CACNA2D4: variants seen among roughly 807,000 people sequenced by gnomAD.
CACNA2D4 encodes calcium voltage-gated channel auxiliary subunit alpha2delta 4, also known as voltage-dependent calcium channel subunit alpha-2/delta-4.
In CACNA2D4, 157 loss-of-function variants were observed where a neutral mutation model predicts 163.8. The ratio of observed to expected loss-of-function variants is 0.96; its 90% confidence interval spans 0.84 to 1.09. CACNA2D4 has a LOEUF of 1.09. Ranked by LOEUF, CACNA2D4 falls within the 50% of genes least tolerant of loss-of-function variation. CACNA2D4 has a pLI of 0.00. For synonymous variants in CACNA2D4, 598 were observed against 586.9 expected, an observed-to-expected ratio of 1.02 and a Z score of -0.27; for missense variants, 1,410 against 1,479.9, an observed-to-expected ratio of 0.95 and a Z score of 0.78.
rs1339553053 is a variant in CACNA2D4, at chr12:1,811,670, T to C, written c.2605A>G (p.Thr869Ala). 1.3e-6 allele frequency: 2 copies of C among 1,559,634 alleles called. No individual in the cohort carries two copies. The highest frequency in any genetic ancestry group is 1.2e-5 in the South Asian group (1 of 84,402). The change falls in exon 27 of 38, where the codon ACG (threonine) becomes GCG (alanine). Residue 869 changes from threonine to alanine, a missense_variant. Coordinates refer to ENST00000382722, the MANE Select transcript of CACNA2D4 (RefSeq NM_172364.5). ...EFLQRKFWAATRQCSTVDGPC... is the reference protein window; with the variant it reads ...EFLQRKFWAAARQCSTVDGPC... ...CCCGACATCACACCTACCTGCCGCG[T>C]TGCCGCCCAGAATTTGCGCTGGAGG...
intron 6 of CACNA2D4, among the ~76,000 whole-genome samples, chr12:1,894,574 G>T (rs1183428236): frequency 6.6e-6 from 1 of 152,064 alleles, no homozygotes; most frequent in African/African-American, 2.4e-5. Flanking sequence ...GGGATGCAAG[G>T]ATGGTTCAAC....
At chr12:1,870,084 C>A (rs77301974) in intron 18 of CACNA2D4, among the ~76,000 whole-genome samples, 15 of 152,270 alleles carry the variant, frequency 9.9e-5, no homozygotes, top group African/African-American at 3.6e-4. Context: ...ATCTCTTGGT[C>A]GTGGGACAGT....
chr12:1,859,961 C>A lies in CACNA2D4; in HGVS notation c.1940+184G>T, dbSNP rs532071830. ...CTGTAAATGGTAGAGCTGGGGTTCA[C>A]GTCCAGGCAGTTTGGCTCTGGAACC... On this transcript the variant is annotated intron_variant, in intron 19 of 37. Transcript: ENST00000382722. Among the ~76,000 whole-genome samples the A allele has an allele frequency of 2.0e-5, 3 of 152,212 alleles. No individual in the cohort carries two copies. In the East Asian group the frequency reaches 5.8e-4, roughly 29 times the overall value.
At chr12:1,839,356 C>T (rs777106764) in intron 26 of CACNA2D4, among the ~76,000 whole-genome samples, 1 of 152,220 alleles carries the variant, frequency 6.6e-6, no homozygotes, top group Non-Finnish European at 1.5e-5. Flanking sequence ...CGCTTCATCG[C>T]AGGGACCTGA....
rs571237538 is a variant in CACNA2D4, at chr12:1,792,671, G to C, written c.*984C>G. ...GGGACCCTGGGGGAGATGTGTGTGCGCTGGGGGTGAGTTCCCAGATAGAGC... is the reference window on the plus strand; with the variant it reads ...GGGACCCTGGGGGAGATGTGTGTGCCCTGGGGGTGAGTTCCCAGATAGAGC... On this transcript the variant is annotated 3_prime_UTR_variant, in exon 38 of 38. Transcript: ENST00000382722. The C allele has an allele frequency of 6.6e-6, 1 of 152,084 alleles. No homozygotes were observed. Among genetic ancestry groups the C allele is most frequent in the Admixed American group, 6.5e-5 (1 of 15,276 alleles). The allele number at this position is 152,084 out of a possible 1,614,324, so 9.4% of individuals were successfully genotyped here. A position where few individuals can be genotyped will look rare whatever the true frequency, so the allele number is the denominator to read the frequency against.
At position 1,799,571 on chromosome 12, in the gene CACNA2D4, C is replaced by T. The variant is rs1177768824; in HGVS notation, c.2995+104G>A. 1 of 1,250,914 alleles carries T rather than the reference C, an allele frequency of 8.0e-7. No individual in the cohort carries two copies. The highest frequency in any genetic ancestry group is 1.5e-5 in the African/African-American group (1 of 67,310). 77.5% of individuals were successfully genotyped at this position (1,250,914 alleles called of 1,614,324 possible). On this transcript the variant is annotated intron_variant, in intron 34 of 37. Transcript: ENST00000382722. This position sits in a 1 kb window ranked among gnomAD's most constrained non-coding sequence, Gnocchi z 4.7. ...TTTAAACCAGGAGAGCTCAGCCCTG[C>T]TTGGGGTCATTCCTGGGACAGGTCA...
At position 1,799,789 on chromosome 12, in the gene CACNA2D4, A is replaced by G. The variant is rs1247401311; in HGVS notation, c.2975-94T>C. 13 of 1,469,150 alleles carry G rather than the reference A, an allele frequency of 8.8e-6. No homozygotes were observed. Among genetic ancestry groups the G allele is most frequent in the Non-Finnish European group, 1.1e-5 (12 of 1,073,194 alleles). The allele number at this position is 1,469,150 out of a possible 1,614,324, so 91.0% of individuals were successfully genotyped here. A position where few individuals can be genotyped will look rare whatever the true frequency, so the allele number is the denominator to read the frequency against. On this transcript the variant is annotated intron_variant, in intron 33 of 37. Transcript: ENST00000382722. This position sits in a 1 kb window ranked among gnomAD's most constrained non-coding sequence, Gnocchi z 4.7. The stretch of plus-strand genomic sequence containing the variant: ...GATGTCATGGGGTGGTGATGATGGC[A>G]CATGGAGTGGCGGTGTCCCAAGATG...
chr12:1,908,227 C>A (rs1344089705), intron 4 of CACNA2D4, among the ~76,000 whole-genome samples, 190 bp from the exon 5 acceptor site: 1 of 152,210 alleles, frequency 6.6e-6, no homozygotes, highest in African/African-American at 2.4e-5. Context: ...TCCAGGAGGC[C>A]GGCGCGGAGA....
chr12:1,824,728 C>G (rs1337661175), intron 26 of CACNA2D4, among the ~76,000 whole-genome samples: 1 of 152,192 alleles, frequency 6.6e-6, no homozygotes, highest in Non-Finnish European at 1.5e-5. Flanking sequence ...GTAGGTCACC[C>G]CCTTTCCTTA....
intron 27 of CACNA2D4, among the ~76,000 whole-genome samples, chr12:1,811,398 G>T (rs1255383478): frequency 3.9e-5 from 6 of 152,204 alleles, no homozygotes; most frequent in Non-Finnish European, 8.8e-5. Context: ...TCCCTTTTCA[G>T]CGGGGAGGCA....
At chr12:1,860,603 T>A (rs1251053601) in intron 18 of CACNA2D4, among the ~76,000 whole-genome samples, 1 of 152,226 alleles carries the variant, frequency 6.6e-6, no homozygotes, top group African/African-American at 2.4e-5. Context: ...ACCATGACTC[T>A]ATGGTTCCTA....
In CACNA2D4 at chr12:1,869,780, C is replaced by T. The variant is rs150208538; in HGVS notation, c.1878+4824G>A. Among the ~76,000 whole-genome samples the T allele has an allele frequency of 3.3e-4, 50 of 152,348 alleles. No homozygotes were observed. The highest frequency in any genetic ancestry group is 3.4e-3 in the Middle Eastern group (1 of 294). ...GCTCTGTTCTTTGACCAAGCCCTAA[C>T]CATTTCTCCGCTGAGATTCTCCATC... is the stretch of plus-strand genomic sequence containing the variant. On this transcript the variant is annotated intron_variant, in intron 18 of 37. Transcript: ENST00000382722. This position sits in a 1 kb window ranked among gnomAD's most constrained non-coding sequence, Gnocchi z 4.7.
At chr12:1,846,731 G>T in intron 23 of CACNA2D4, 42 bp from the exon 24 acceptor site, 2 of 1,505,386 alleles carry the variant, frequency 1.3e-6, no homozygotes, top group Non-Finnish European at 1.8e-6. Flanking sequence ...ACATGGCTGT[G>T]GCAAGAGCTT....
intron 22 of CACNA2D4, among the ~76,000 whole-genome samples, chr12:1,854,749 G>T (rs1401387072): frequency 1.3e-5 from 2 of 152,118 alleles, no homozygotes; most frequent in African/African-American, 4.8e-5. Flanking sequence ...TTACCTCAGA[G>T]CCCCTATACA....
rs751296343 is a variant in CACNA2D4, at chr12:1,844,389, G to C, written c.2470+13C>G. ...GACTGGCCCAGCCCCGGGAGCACCG[G>C]GCTGTGTGTTACCTGGTCCTTCTGC... On this transcript the variant is annotated intron_variant, in intron 25 of 37. Transcript: ENST00000382722. This position sits in a 1 kb window ranked among gnomAD's most constrained non-coding sequence, Gnocchi z 4.2. The C allele has an allele frequency of 7.4e-6, 12 of 1,612,786 alleles. No homozygotes were observed. Among genetic ancestry groups the C allele is most frequent in the East Asian group, 4.5e-5 (2 of 44,880 alleles).
chr12:1,907,749 C>G, intron 5 of CACNA2D4, 126 bp downstream of exon 5: 1 of 1,301,050 alleles, frequency 7.7e-7, no homozygotes, highest in South Asian at 1.3e-5. Flanking sequence ...GTGGGCGTGT[C>G]TGGTGGGTGT....
Position 1,822,328 on chromosome 12 carries a change from T to C in CACNA2D4, c.2552-10605A>G, listed in dbSNP as rs148812564. ...GGAGGGGATGGCATGTATGTGATGG[T>C]TGGGGGTGTCTGGGAGTTCTGGGGG... is the stretch of plus-strand genomic sequence containing the variant. On this transcript the variant is annotated intron_variant, in intron 26 of 37. Transcript: ENST00000382722. Among the ~76,000 whole-genome samples the C allele has an allele frequency of 4.7e-3, 718 of 151,996 alleles. 5 individuals carry two copies. Among genetic ancestry groups the C allele is most frequent in the African/African-American group, 0.017 (687 of 41,466 alleles).
At position 1,792,263 on chromosome 12, in the gene CACNA2D4, T is replaced by C. The variant is rs1862997999; in HGVS notation, c.*1392A>G. The C allele has an allele frequency of 6.6e-6, 1 of 152,234 alleles. No individual in the cohort carries two copies. Among genetic ancestry groups the C allele is most frequent in the Non-Finnish European group, 1.5e-5 (1 of 68,042 alleles). The allele number at this position is 152,234 out of a possible 1,614,324, so 9.4% of individuals were successfully genotyped here. A position where few individuals can be genotyped will look rare whatever the true frequency, so the allele number is the denominator to read the frequency against. Reference sequence around the variant, plus strand: ...GTCTTCTGCTGTAAGGGGGCATTAATACTGCCCTCACAGGGTTGTTGCAAG... The same window carrying C: ...GTCTTCTGCTGTAAGGGGGCATTAACACTGCCCTCACAGGGTTGTTGCAAG... On this transcript the variant is annotated 3_prime_UTR_variant, in exon 38 of 38. Transcript: ENST00000382722.
Position 1,795,651 on chromosome 12 carries a change from C to G in CACNA2D4, c.3226+17G>C. 1.3e-6 allele frequency: 2 copies of G among 1,544,476 alleles called. No homozygotes were observed. The highest frequency in any genetic ancestry group is 1.1e-5 in the South Asian group (1 of 89,574). ...CCCCCGCCCCCACCGCACACATCCC[C>G]GAGCATTGCAGGATATATTTGACTT... On this transcript the variant is annotated intron_variant, in intron 36 of 37. Transcript: ENST00000382722.
Sources: gnomAD v4.1 joint callset for allele counts (sites outside exome capture counted in the v4.1 genomes callset) on GRCh38, gnomAD v4.1.1 for gene constraint, Gnocchi (gnomAD v3.1) non-coding constraint, MANE v1.5 for transcripts, NCBI Gene and HGNC (gene_info 2026-07-23, HGNC 2026-07-21) for gene names.